MELK: variants seen among roughly 807,000 people sequenced by gnomAD.
MELK encodes pEg3 kinase.
Under a neutral mutation model 85.0 loss-of-function variants are expected in MELK, and 81 were observed. The observed-to-expected ratio is 0.95, with a 90% CI of 0.80 to 1.15. The LOEUF (loss-of-function observed/expected upper bound fraction) is 1.15, where lower values mean the gene tolerates loss of function less well. Ranked by LOEUF, MELK falls within the 50% of genes most tolerant of loss-of-function variation. The probability of loss-of-function intolerance (pLI) is 0.00; values close to 1 mark genes in which losing one functional copy is unlikely to be tolerated. For missense variants in MELK, 754 were observed against 777.5 expected (o/e 0.97, Z 0.36); for synonymous variants, 252 against 265.0 (o/e 0.95, Z 0.48).
chr9:36,618,723 A>G (rs1827103196), intron 8 of MELK, among the ~76,000 whole-genome samples: 1 of 152,166 alleles, frequency 6.6e-6, no homozygotes, highest in Non-Finnish European at 1.5e-5. Context: ...ATTAAACCGT[A>G]TACTATAATC....
intron 1 of MELK, among the ~76,000 whole-genome samples, chr9:36,580,060 T>A (rs922792084): frequency 6.5e-5 from 8 of 123,454 alleles, no homozygotes; most frequent in African/African-American, 1.6e-4. Flanking sequence ...TTTTTTTTTT[T>A]ATTTTGAGAC....
chr9:36,612,244 C>T (rs1041963694), intron 8 of MELK, among the ~76,000 whole-genome samples: 4 of 150,560 alleles, frequency 2.7e-5, no homozygotes, highest in African/African-American at 7.3e-5. Flanking sequence ...TACAATCATG[C>T]GCCACCGTGC....
chr9:36,651,171 C>G (rs1374861081), intron 11 of MELK, among the ~76,000 whole-genome samples: 1 of 152,142 alleles, frequency 6.6e-6, no homozygotes, highest in African/African-American at 2.4e-5. Flanking sequence ...CCTCTTCTCA[C>G]AATTAAAAGA....
chr9:36,604,479 A>G (rs1044291205), intron 7 of MELK, among the ~76,000 whole-genome samples: 26 of 151,218 alleles, frequency 1.7e-4, no homozygotes, highest in African/African-American at 6.3e-4. Context: ...TTATATTTTT[A>G]GTAGAGACAG....
At chr9:36,599,285 A>G (rs1824646422) in intron 6 of MELK, 109 bp from the exon 7 acceptor site, 1 of 669,176 alleles carries the variant, frequency 1.5e-6, no homozygotes, top group African/African-American at 2.1e-5. Context: ...TGGGTGACAG[A>G]GTGAGACTCC....
chr9:36,615,773 C>T (rs948277971), intron 8 of MELK, among the ~76,000 whole-genome samples: 3 of 149,752 alleles, frequency 2.0e-5, no homozygotes, highest in African/African-American at 7.5e-5. Context: ...TGGGCAGAGA[C>T]GCTCCTCACT....
intron 10 of MELK, among the ~76,000 whole-genome samples, chr9:36,638,808 T>C (rs1829464008): frequency 1.3e-5 from 2 of 152,178 alleles, no homozygotes. Context: ...GAAGGTACTA[T>C]TATTGCCCCT....
intron 12 of MELK, among the ~76,000 whole-genome samples, chr9:36,652,368 A>G (rs1830795385): frequency 6.6e-6 from 1 of 151,390 alleles, no homozygotes; most frequent in African/African-American, 2.4e-5. Flanking sequence ...GAATGTTAAC[A>G]TGGCATTTTA....
chr9:36,654,056 T>G (rs1239881300), intron 12 of MELK, among the ~76,000 whole-genome samples: 1 of 152,070 alleles, frequency 6.6e-6, no homozygotes, highest in East Asian at 1.9e-4. Flanking sequence ...TTGGAGAGTT[T>G]TAATGGCTGG....
intron 7 of MELK, among the ~76,000 whole-genome samples, chr9:36,602,466 G>A (rs1363795086): frequency 7.3e-6 from 1 of 136,864 alleles, no homozygotes; most frequent in African/African-American, 3.0e-5. Flanking sequence ...CTCCAGCCTG[G>A]GTGACAGAGC....
chr9:36,612,816 T>A (rs1212367785), intron 8 of MELK, among the ~76,000 whole-genome samples: 1 of 152,248 alleles, frequency 6.6e-6, no homozygotes, highest in Non-Finnish European at 1.5e-5. Context: ...ATTCTTTCTT[T>A]TACTTTTCTT....
chr9:36,655,158 T>C (rs1016905608), intron 12 of MELK, among the ~76,000 whole-genome samples: 2 of 152,190 alleles, frequency 1.3e-5, no homozygotes, highest in African/African-American at 2.4e-5. Flanking sequence ...GTGTAAAGTA[T>C]AATACTTGTT....
intron 5 of MELK, among the ~76,000 whole-genome samples, chr9:36,596,297 C>A (rs1159982162): frequency 6.6e-6 from 1 of 152,110 alleles, no homozygotes; most frequent in African/African-American, 2.4e-5. Context: ...GAGTGATCGC[C>A]CAGGCTGGAG....
chr9:36,631,515 C>T (rs1180636525), intron 9 of MELK, among the ~76,000 whole-genome samples: 2 of 151,948 alleles, frequency 1.3e-5, no homozygotes, highest in Non-Finnish European at 1.5e-5. Context: ...ATCCACCCGC[C>T]TTGGCCTCCC....
intron 8 of MELK, among the ~76,000 whole-genome samples, chr9:36,611,341 G>C (rs1245624305): frequency 6.6e-6 from 1 of 152,098 alleles, no homozygotes; most frequent in African/African-American, 2.4e-5. Flanking sequence ...CTGTTGGAAA[G>C]CACCTGGGAA....
Position 36,621,275 on chromosome 9 carries a change from G to GAAAAAAAAAAAAAAAAAAAA in MELK, c.667-9001_667-8982dup, listed in dbSNP as rs74181196. On this transcript the variant is annotated intron_variant, in intron 8 of 17. Coordinates refer to ENST00000298048, the MANE Select transcript of MELK (RefSeq NM_014791.4). ...TGACAGAGTGAGACTCTGTCTCAGG[G>GAAAAAAAAAAAAAAAAAAAA]AAAAAAAAAAAAAAAAAAAAAAAAA... Among the ~76,000 whole-genome samples, 5 of 32,448 alleles carry GAAAAAAAAAAAAAAAAAAAA rather than the reference G, an allele frequency of 1.5e-4. 1 individual carries two copies. The highest frequency in any genetic ancestry group is 3.6e-4 in the Non-Finnish European group (4 of 11,226). The allele number at this position is 32,448 out of a possible 152,430, so 21.3% of individuals were successfully genotyped here. A position where few individuals can be genotyped will look rare whatever the true frequency, so the allele number is the denominator to read the frequency against.
intron 2 of MELK, among the ~76,000 whole-genome samples, 172 bp from the exon 3 acceptor site, chr9:36,583,454 TA>T (rs11384385): frequency 0.016 from 2,249 of 136,352 alleles, 45 homozygotes; most frequent in African/African-American, 0.053. Context: ...CTATCATGGT[TA>T]AAAAAAAAAA....
In MELK at chr9:36,589,711, GAAA is replaced by G. The variant is rs1587347344; in HGVS notation, c.261+61_261+63del. The G allele has an allele frequency of 2.4e-6, 3 of 1,230,652 alleles. No individual in the cohort carries two copies. In the East Asian group the frequency reaches 7.0e-5, roughly 29 times the overall value. The allele number at this position is 1,230,652 out of a possible 1,614,324, so 76.2% of individuals were successfully genotyped here. On this transcript the variant is annotated intron_variant, in intron 4 of 17. Transcript: ENST00000298048. ...TGATCACTTTATCAATAGTAAAAGA[GAAA>G]AGTACATTTCACCTGAAAGATTAGA...
chr9:36,602,143 C>T (rs1824992686), intron 7 of MELK, among the ~76,000 whole-genome samples: 1 of 152,030 alleles, frequency 6.6e-6, no homozygotes, highest in Admixed American at 6.6e-5. Context: ...TGTGGAATCT[C>T]CATACTGTTT....
Sources: gnomAD v4.1 joint callset for allele counts (sites outside exome capture counted in the v4.1 genomes callset) on GRCh38, gnomAD v4.1.1 for gene constraint, MANE v1.5 for transcripts, NCBI Gene and HGNC (gene_info 2026-07-23, HGNC 2026-07-21) for gene names.